The following RYR1 variants were observed in gnomAD, a reference collection of about 807,000 sequenced individuals.
RYR1 encodes the protein ryanodine receptor 1.
A neutral mutation model predicts 583.5 loss-of-function variants in RYR1; 342 were observed. That is an observed-to-expected ratio of 0.59 (90% confidence interval 0.54 to 0.64). RYR1 has a LOEUF of 0.64. RYR1 is among the 30% of genes least tolerant of loss of function. RYR1 has a pLI of 0.00. For missense variants in RYR1, 6,032 were observed against 6,917.2 expected (o/e 0.87, Z 4.54); for synonymous variants, 2,791 against 2,822.5 (o/e 0.99, Z 0.35).
intron 81 of RYR1, chr19:38,535,667 G>A (rs749505028): frequency 6.7e-6 from 4 of 596,054 alleles, no homozygotes; most frequent in African/African-American, 1.9e-5. Flanking sequence ...GGGAGATTTA[G>A]GAGCTCTCTG....
At chr19:38,563,172 C>T (rs1485075252) in intron 90 of RYR1, among the ~76,000 whole-genome samples, 1 of 152,240 alleles carries the variant, frequency 6.6e-6, no homozygotes, top group African/African-American at 2.4e-5. Flanking sequence ...CTGCTCACCC[C>T]TTCCCATTCC....
At chr19:38,438,925 G>C (rs984739634) in intron 1 of RYR1, among the ~76,000 whole-genome samples, 1 of 151,826 alleles carries the variant, frequency 6.6e-6, no homozygotes, top group African/African-American at 2.4e-5. Flanking sequence ...GCCCCAGGCT[G>C]GTCTTAAACT....
intron 89 of RYR1, 30 bp downstream of exon 89, chr19:38,548,450 A>T: frequency 6.2e-7 from 1 of 1,607,210 alleles, no homozygotes; most frequent in South Asian, 1.1e-5. Flanking sequence ...TGGGCCCAGG[A>T]CTTGGGTGGG....
At chr19:38,577,218 C>T (rs1426803173) in intron 97 of RYR1, among the ~76,000 whole-genome samples, 1 of 152,090 alleles carries the variant, frequency 6.6e-6, no homozygotes, top group African/African-American at 2.4e-5. Flanking sequence ...GGCTTATTGA[C>T]CTTTCTGTAC....
In RYR1 at chr19:38,496,589, C is replaced by T. The variant is rs1349071049; in HGVS notation, c.6796+48C>T. 1.9e-6 allele frequency: 3 copies of T among 1,608,422 alleles called. No homozygotes were observed. Among genetic ancestry groups the T allele is most frequent in the Non-Finnish European group, 2.5e-6 (3 of 1,176,582 alleles). ...GCTGTCCCCCAGAACCCACTCCTGG[C>T]ACCCCGTCCAGGCCTGCCCCACTTT... On this transcript the variant is annotated intron_variant, in intron 41 of 105. Transcript: ENST00000359596. This position sits in a 1 kb window ranked among gnomAD's most constrained non-coding sequence, Gnocchi z 4.8.
intron 2 of RYR1, among the ~76,000 whole-genome samples, chr19:38,441,839 C>T (rs1244159656): frequency 6.6e-6 from 1 of 151,728 alleles, no homozygotes; most frequent in Non-Finnish European, 1.5e-5. Flanking sequence ...TAAGGTTGAG[C>T]GCCCTCCTGT....
Position 38,511,553 on chromosome 19 carries a change from T to C in RYR1, c.9123-8T>C. Reference sequence around the variant, plus strand: ...TCTCCTGCCTTCTGTCCCTTTCTCTTTCTTCAGCCTCTTCTGCAAACTTGC... The same window carrying C: ...TCTCCTGCCTTCTGTCCCTTTCTCTCTCTTCAGCCTCTTCTGCAAACTTGC... On this transcript the variant is annotated splice_polypyrimidine_tract_variant and splice_region_variant and intron_variant, in intron 60 of 105. Coordinates refer to ENST00000359596, the MANE Select transcript of RYR1 (RefSeq NM_000540.3). 2 of 1,613,776 alleles carry C rather than the reference T, an allele frequency of 1.2e-6. No individual in the cohort carries two copies. Among genetic ancestry groups the C allele is most frequent in the Non-Finnish European group, 1.7e-6 (2 of 1,179,990 alleles).
At position 38,568,815 on chromosome 19, in the gene RYR1, G is replaced by A. The variant is rs1381968147; in HGVS notation, c.13659+898G>A. On this transcript the variant is annotated intron_variant, in intron 93 of 105. Transcript: ENST00000359596. ...AATCATGTGGAACGAAGGTGGTTCC[G>A]TCAGAATTTGTGGGAAGAATGAGGG... 3.3e-5 allele frequency among the ~76,000 whole-genome samples: 5 copies of A among 152,004 alleles called. No individual in the cohort carries two copies. The East Asian group carries it at 5.8e-4, about 18-fold the overall frequency.
chr19:38,571,633 G>A (rs762834712), intron 94 of RYR1, among the ~76,000 whole-genome samples: 7 of 152,062 alleles, frequency 4.6e-5, no homozygotes, highest in African/African-American at 7.2e-5. Flanking sequence ...GTGAAACTCC[G>A]TCCACCCCAC....
intron 67 of RYR1, among the ~76,000 whole-genome samples, chr19:38,521,309 T>C (rs890044650): frequency 1.3e-5 from 2 of 150,922 alleles, no homozygotes; most frequent in African/African-American, 4.9e-5. Context: ...GGTTTGTTTT[T>C]TTTTAATACA....
chr19:38,498,499 C>G (rs776831533), intron 42 of RYR1, among the ~76,000 whole-genome samples: 1 of 152,022 alleles, frequency 6.6e-6, no homozygotes, highest in Non-Finnish European at 1.5e-5. Flanking sequence ...CAGGGCAACT[C>G]CATAGAGTAA....
chr19:38,512,776 C>T lies in RYR1; in HGVS notation c.9472+293C>T, dbSNP rs1381705308. Among the ~76,000 whole-genome samples the T allele has an allele frequency of 6.6e-6, 1 of 151,174 alleles. No individual in the cohort carries two copies. Among genetic ancestry groups the T allele is most frequent in the Non-Finnish European group, 1.5e-5 (1 of 67,852 alleles). ...CTCAGGAGTTCAAGACCAGCTTGGG[C>T]AACATAGCGAGACCCTGTCTCTACT... On this transcript the variant is annotated intron_variant, in intron 63 of 105. Transcript: ENST00000359596. The surrounding 1 kb of genome is among the most constrained non-coding windows in gnomAD (Gnocchi z 5.1).
At chr19:38,519,589 C>T (rs1971132449) in intron 67 of RYR1, 135 bp downstream of exon 67, 11 of 1,044,302 alleles carry the variant, frequency 1.1e-5, no homozygotes, top group African/African-American at 1.6e-5. Flanking sequence ...GACTCTTCCT[C>T]CTGGTTTCTT....
chr19:38,505,352 T>C lies in RYR1; in HGVS notation c.8354T>C (p.Leu2785Pro). The change falls in exon 53 of 106, where the codon CTG (leucine) becomes CCG (proline). Residue 2785 changes from leucine (L) to proline (P), a missense_variant. Transcript: ENST00000359596. ...TATGGAGAGAACATAGACGAGGAGCTGAAGACCCACCCCATGCTGAGGCCC... is the reference window on the plus strand; with the variant it reads ...TATGGAGAGAACATAGACGAGGAGCCGAAGACCCACCCCATGCTGAGGCCC... The part of the protein sequence containing the change: ...WSYGENIDEE[L>P]KTHPMLRPYK... 6.2e-7 allele frequency: 1 copy of C among 1,612,570 alleles called. No individual in the cohort carries two copies. The highest frequency in any genetic ancestry group is 1.1e-5 in the South Asian group (1 of 90,700).
At position 38,455,494 on chromosome 19, in the gene RYR1, C is replaced by A; in HGVS notation, c.1620C>A (p.Ser540=). 2 of 1,614,158 alleles carry A rather than the reference C, an allele frequency of 1.2e-6. No individual in the cohort carries two copies. The highest frequency in any genetic ancestry group is 1.1e-5 in the South Asian group (1 of 91,078). Residue 540 remains serine (S), a synonymous_variant, in exon 15 of 106, where the codon TCC becomes TCA. Coordinates refer to ENST00000359596, the MANE Select transcript of RYR1 (RefSeq NM_000540.3). ...RGNRSNCALF[S]TNLDWLVSKL... is the part of the protein sequence containing the mutation. ...ATCGTAGCAACTGTGCCCTCTTCTC[C>A]ACAAACTTGGACTGGCTGGTCAGCA...
At chr19:38,555,325 G>A (rs571093569) in intron 89 of RYR1, among the ~76,000 whole-genome samples, 51 of 151,946 alleles carry the variant, frequency 3.4e-4, no homozygotes, top group African/African-American at 1.2e-3. Flanking sequence ...GGTGGCACAT[G>A]CCTGTAGTCC....
At position 38,512,229 on chromosome 19, in the gene RYR1, C is replaced by T. The variant is rs1026078251; in HGVS notation, c.9234-16C>T. The stretch of plus-strand genomic sequence containing the variant: ...TCTCCGATTCCAGAGCTGATGTTCC[C>T]CCGCTGCCCTTCTAGGACAGTGATG... On this transcript the variant is annotated splice_polypyrimidine_tract_variant and intron_variant, in intron 62 of 105. Transcript: ENST00000359596. This position sits in a 1 kb window ranked among gnomAD's most constrained non-coding sequence, Gnocchi z 5.1. 6.2e-7 allele frequency: 1 copy of T among 1,614,058 alleles called. No homozygotes were observed. The highest frequency in any genetic ancestry group is 1.3e-5 in the African/African-American group (1 of 74,936).
rs1451060659 is a variant in RYR1, at chr19:38,504,309, G to A, written c.8016G>A (p.Leu2672=). ...ANFGVTSEEE[L]HLTRKLFWGI... ...TCGGGGTCACCTCAGAGGAGGAGCT[G>A]CACCTCACACGGAAACTCTTCTGGG... Residue 2672 remains leucine (L), a synonymous_variant, in exon 50 of 106, where the codon CTG becomes CTA. Transcript: ENST00000359596. The A allele has an allele frequency of 1.2e-6, 2 of 1,614,170 alleles. No homozygotes were observed. Among genetic ancestry groups the A allele is most frequent in the Non-Finnish European group, 1.7e-6 (2 of 1,180,034 alleles).
intron 78 of RYR1, among the ~76,000 whole-genome samples, chr19:38,534,436 CT>C (rs1485849737): frequency 2.6e-5 from 4 of 152,160 alleles, no homozygotes; most frequent in African/African-American, 9.7e-5. Context: ...AAAAATGTAA[CT>C]TTTCATCATC....
Sources: gnomAD v4.1 joint callset for allele counts (sites outside exome capture counted in the v4.1 genomes callset) on GRCh38, gnomAD v4.1.1 for gene constraint, Gnocchi (gnomAD v3.1) non-coding constraint, MANE v1.5 for transcripts, NCBI Gene and HGNC (gene_info 2026-07-23, HGNC 2026-07-21) for gene names.